PLAC1: variants seen among roughly 807,000 people sequenced by gnomAD.
The protein encoded by PLAC1 is placenta-specific protein 1.
For missense variants in PLAC1, 136 were observed against 163.2 expected (o/e 0.83, Z 0.91); for synonymous variants, 68 against 62.1 (o/e 1.09, Z -0.44).
At chrX:134,726,633 G>A (rs1282260050) in intron 2 of PLAC1, among the ~76,000 whole-genome samples, 1 of 110,147 alleles carries the variant, frequency 9.1e-6, no homozygotes, top group Non-Finnish European at 1.9e-5. Context: ...GACCATCCTG[G>A]CCAACATGGT....
chrX:134,686,197 G>A (rs760027120), intron 2 of PLAC1, among the ~76,000 whole-genome samples: 1 of 111,309 alleles, frequency 9.0e-6, no homozygotes, highest in South Asian at 3.9e-4. Context: ...AAGAAAATCC[G>A]TCTCCTTCTC....
intron 2 of PLAC1, among the ~76,000 whole-genome samples, chrX:134,576,791 A>G (rs1354810105): frequency 9.0e-6 from 1 of 111,092 alleles, no homozygotes; most frequent in Non-Finnish European, 1.9e-5. Context: ...CATCACTCCA[A>G]TGATGTGCCT....
intron 1 of PLAC1, among the ~76,000 whole-genome samples, chrX:134,654,382 G>A (rs1395160060): frequency 3.6e-5 from 4 of 112,199 alleles, no homozygotes; most frequent in Non-Finnish European, 7.5e-5. Flanking sequence ...AGTTCAGGAA[G>A]CCTAGGCAAT....
chrX:134,680,517 C>CCTAAACTGAA (rs2078491035), intron 2 of PLAC1, among the ~76,000 whole-genome samples: 3 of 90,561 alleles, frequency 3.3e-5, no homozygotes, highest in Non-Finnish European at 4.4e-5. Context: ...AGCAAGTATT[C>CCTAAACTGAA]CTAAACTAAA....
intron 2 of PLAC1, among the ~76,000 whole-genome samples, chrX:134,572,080 T>C (rs1446589320): frequency 8.9e-6 from 1 of 111,937 alleles, no homozygotes; most frequent in Non-Finnish European, 1.9e-5. Context: ...TGTCAGGGCT[T>C]TGATTTGCAG....
chrX:134,651,749 C>A (rs2078364607), intron 1 of PLAC1, among the ~76,000 whole-genome samples: 1 of 101,749 alleles, frequency 9.8e-6, no homozygotes, highest in Non-Finnish European at 2.0e-5. Context: ...CTTCCTCTGT[C>A]CTCCTCATGC....
At chrX:134,750,865 AT>A (rs2078741342) in intron 1 of PLAC1, among the ~76,000 whole-genome samples, 1 of 17,950 alleles carries the variant, frequency 5.6e-5, no homozygotes, top group African/African-American at 4.4e-4. Flanking sequence ...ATATATTTTT[AT>A]ATATATATAT....
chrX:134,619,650 C>CAA (rs374028482), intron 1 of PLAC1, among the ~76,000 whole-genome samples: 4 of 55,468 alleles, frequency 7.2e-5, no homozygotes, highest in South Asian at 1.5e-3. Flanking sequence ...GACTCCATCT[C>CAA]AAAAAAAAAA....
chrX:134,736,004 G>A (rs1282583848), intron 1 of PLAC1, among the ~76,000 whole-genome samples: 5 of 109,123 alleles, frequency 4.6e-5, no homozygotes, highest in African/African-American at 1.7e-4. Flanking sequence ...GGGGCTGGGC[G>A]CGGTGGCTCA....
At chrX:134,737,401 C>T (rs1165019519) in intron 1 of PLAC1, among the ~76,000 whole-genome samples, 1 of 112,414 alleles carries the variant, frequency 8.9e-6, no homozygotes, top group Non-Finnish European at 1.9e-5. Flanking sequence ...TCCTTCCATT[C>T]ATAATCCCAA....
At position 134,573,910 on chromosome X, in the gene PLAC1, C is replaced by T. The variant is rs145608590; in HGVS notation, c.-58-7170G>A. ...ATTCACCATCATTTGGCTCCTGAGA[C>T]GTAGAGAAGGTTTTAGAAAAGGTTC... is the stretch of plus-strand genomic sequence containing the variant. On this transcript the variant is annotated intron_variant, in intron 2 of 2. Transcript: ENST00000359237. Among the ~76,000 whole-genome samples, 257 of 111,390 alleles carry T rather than the reference C, an allele frequency of 2.3e-3. 1 individual carries two copies. The highest frequency in any genetic ancestry group is 4.6e-3 in the Middle Eastern group (1 of 218).
intron 2 of PLAC1, among the ~76,000 whole-genome samples, chrX:134,681,041 AG>A (rs1026573376): frequency 3.6e-5 from 4 of 111,637 alleles, no homozygotes; most frequent in African/African-American, 9.8e-5. Flanking sequence ...TGACCAGGCC[AG>A]GAAGATTCTG....
At chrX:134,708,320 C>T (rs1352788394) in intron 2 of PLAC1, among the ~76,000 whole-genome samples, 1 of 111,465 alleles carries the variant, frequency 9.0e-6, no homozygotes, top group Non-Finnish European at 1.9e-5. Context: ...TATTGACACA[C>T]ACAGCAACTT....
intron 2 of PLAC1, among the ~76,000 whole-genome samples, chrX:134,705,764 AT>A (rs1341093255): frequency 2.7e-5 from 3 of 112,155 alleles, no homozygotes; most frequent in Admixed American, 1.9e-4. Flanking sequence ...CAACAGTTGT[AT>A]AAGACCTTTA....
chrX:134,606,418 CAT>C (rs1222661560), intron 1 of PLAC1, among the ~76,000 whole-genome samples: 1 of 110,418 alleles, frequency 9.1e-6, no homozygotes, highest in Admixed American at 9.7e-5. Flanking sequence ...GGCCAATAAA[CAT>C]GTGAAAAAAA....
rs1556046814 is a variant in PLAC1 at position 134,588,285 on chromosome X, C to CTTTAT, written c.-59+13761_-59+13765dup. Among the ~76,000 whole-genome samples, 284 of 70,074 alleles carry CTTTAT rather than the reference C, an allele frequency of 4.1e-3. 3 individuals carry two copies. In the Admixed American group the frequency reaches 0.045, roughly 11 times the overall value. 60.9% of individuals were successfully genotyped at this position (70,074 alleles called of 115,157 possible). On this transcript the variant is annotated intron_variant, in intron 2 of 2. Coordinates refer to ENST00000359237, the MANE Select transcript of PLAC1 (RefSeq NM_021796.4). ...TCTTGCACCCTTTTTTTCTAGAACT[C>CTTTAT]TTTATTTTATTTATTTATTTATTTA...
intron 2 of PLAC1, among the ~76,000 whole-genome samples, chrX:134,687,942 A>C (rs1347010864): frequency 3.0e-5 from 3 of 99,536 alleles, no homozygotes; most frequent in Non-Finnish European, 6.0e-5. Flanking sequence ...GTGACGCCTC[A>C]CAGTGGGGAC....
chrX:134,663,916 C>T (rs2078426309), intron 2 of PLAC1, among the ~76,000 whole-genome samples: 1 of 110,662 alleles, frequency 9.0e-6, no homozygotes, highest in Admixed American at 9.6e-5. Context: ...TTCATCTTTG[C>T]TCTGCTAACA....
At chrX:134,678,393 C>T (rs2078482507) in intron 2 of PLAC1, among the ~76,000 whole-genome samples, 1 of 111,347 alleles carries the variant, frequency 9.0e-6, no homozygotes, top group African/African-American at 3.3e-5. Flanking sequence ...ACTTTCTGTT[C>T]CCTCTGCCTC....
Sources: allele counts gnomAD v4.1 joint callset (sites outside exome capture counted in the v4.1 genomes callset), GRCh38; gene constraint gnomAD v4.1.1; transcripts MANE v1.5; gene names NCBI Gene and HGNC (gene_info 2026-07-23, HGNC 2026-07-21).